The following KCNT2 variants were observed in gnomAD, a reference collection of about 807,000 sequenced individuals.
The protein encoded by KCNT2 is potassium channel subfamily T member 2.
In KCNT2, 67 loss-of-function variants were observed where a neutral mutation model predicts 153.8. The observed-to-expected ratio is 0.44, with a 90% confidence interval of 0.36 to 0.53. KCNT2 has a LOEUF of 0.53. Ranked by LOEUF, KCNT2 falls within the 20% of genes least tolerant of loss-of-function variation. KCNT2 has a pLI of 0.00. For synonymous variants in KCNT2, 500 were observed against 458.8 expected, an observed-to-expected ratio of 1.09 and a Z score of -1.15; for missense variants, 975 against 1,354.8, an observed-to-expected ratio of 0.72 and a Z score of 4.40.
At chr1:196,242,851 A>G (rs533051651) in intron 26 of KCNT2, among the ~76,000 whole-genome samples, 4 of 152,298 alleles carry the variant, frequency 2.6e-5, no homozygotes, top group South Asian at 4.1e-4. Context: ...AACTTCCTAT[A>G]TAACTTTAAA....
intron 14 of KCNT2, among the ~76,000 whole-genome samples, chr1:196,348,818 G>C (rs1666361402): frequency 6.6e-6 from 1 of 151,966 alleles, no homozygotes. Flanking sequence ...ATGATGTCGG[G>C]GGTTTGAGAC....
intron 12 of KCNT2, among the ~76,000 whole-genome samples, chr1:196,409,309 T>C (rs566752927): frequency 2.0e-5 from 3 of 151,616 alleles, no homozygotes; most frequent in Admixed American, 1.3e-4. Flanking sequence ...CATTTAATCA[T>C]ACAGGTTTTC....
At chr1:196,587,303 T>C (rs911580580) in intron 1 of KCNT2, among the ~76,000 whole-genome samples, 1 of 152,034 alleles carries the variant, frequency 6.6e-6, no homozygotes, top group African/African-American at 2.4e-5. Context: ...TATCTTCATT[T>C]TGCAGATGAG....
At chr1:196,381,846 G>T (rs567764685) in intron 13 of KCNT2, among the ~76,000 whole-genome samples, 8 of 152,202 alleles carry the variant, frequency 5.3e-5, no homozygotes, top group African/African-American at 1.9e-4. Context: ...TTGCCTTTGA[G>T]ATCAGTTTCA....
chr1:196,351,948 A>G (rs1666744098), intron 14 of KCNT2, among the ~76,000 whole-genome samples: 1 of 152,102 alleles, frequency 6.6e-6, no homozygotes, highest in South Asian at 2.1e-4. Context: ...CCTTTTTTGT[A>G]TCTATTGAGA....
intron 1 of KCNT2, among the ~76,000 whole-genome samples, chr1:196,526,978 C>T (rs946516016): frequency 2.6e-5 from 4 of 152,126 alleles, no homozygotes; most frequent in Non-Finnish European, 4.4e-5. Context: ...CCTCCTGCAG[C>T]GACATTAGTT....
intron 4 of KCNT2, among the ~76,000 whole-genome samples, chr1:196,481,061 A>T (rs367633379): frequency 2.6e-5 from 4 of 152,100 alleles, no homozygotes; most frequent in African/African-American, 9.7e-5. Context: ...CAATATTTTC[A>T]GTGTTATTTA....
At chr1:196,334,496 T>TTTTTTTTTTTTTTTTTTTTTTTA (rs1302327018) in intron 16 of KCNT2, among the ~76,000 whole-genome samples, 8 of 142,862 alleles carry the variant, frequency 5.6e-5, no homozygotes, top group African/African-American at 2.1e-4. Flanking sequence ...TCTTTTTTTT[T>TTTTTTTTTTTTTTTTTTTTTTTA]TTTAAGACAG....
intron 8 of KCNT2, among the ~76,000 whole-genome samples, chr1:196,433,989 GT>G (rs1380139575): frequency 6.6e-6 from 1 of 151,724 alleles, no homozygotes; most frequent in Non-Finnish European, 1.5e-5. Flanking sequence ...TTCACTTCAG[GT>G]CTCCAAAATG....
chr1:196,436,166 A>G (rs1674637021), intron 8 of KCNT2, among the ~76,000 whole-genome samples: 1 of 151,266 alleles, frequency 6.6e-6, no homozygotes, highest in East Asian at 1.9e-4. Context: ...ATTATAGAGT[A>G]CCTATATACA....
chr1:196,547,643 T>C (rs2148888673), intron 1 of KCNT2, among the ~76,000 whole-genome samples: 1 of 152,066 alleles, frequency 6.6e-6, no homozygotes, highest in South Asian at 2.1e-4. Flanking sequence ...CCTTTCACTG[T>C]CCATTCATCT....
At chr1:196,471,843 C>A (rs1341720244) in intron 5 of KCNT2, among the ~76,000 whole-genome samples, 1 of 152,158 alleles carries the variant, frequency 6.6e-6, no homozygotes, top group Non-Finnish European at 1.5e-5. Context: ...CCAGAAGAAT[C>A]TTTCTAAAAT....
At chr1:196,520,381 C>T (rs1345004840) in intron 1 of KCNT2, among the ~76,000 whole-genome samples, 1 of 151,786 alleles carries the variant, frequency 6.6e-6, no homozygotes, top group African/African-American at 2.4e-5. Context: ...AAGCATTATA[C>T]TTGAAAATTG....
At chr1:196,251,589 G>A (rs113558958) in intron 26 of KCNT2, among the ~76,000 whole-genome samples, 4,154 of 152,004 alleles carry the variant, frequency 0.027, 192 homozygotes, top group African/African-American at 0.095. Flanking sequence ...GTAAAATGAT[G>A]GTTACCAGAG....
At chr1:196,360,470 G>C (rs1276107112) in intron 14 of KCNT2, among the ~76,000 whole-genome samples, 1 of 152,066 alleles carries the variant, frequency 6.6e-6, no homozygotes, top group African/African-American at 2.4e-5. Flanking sequence ...CCCACCTCCA[G>C]GGTGTTCCTC....
Position 196,284,248 on chromosome 1 carries a change from A to AAATATATAT in KCNT2, c.2697+1408_2697+1409insATATATATT. On this transcript the variant is annotated intron_variant, in intron 23 of 27. Coordinates refer to ENST00000294725, the MANE Select transcript of KCNT2 (RefSeq NM_198503.5). ...TCTGTCTTAAAAAAAAAAAAAAAAAAATATATATATATATATATATATATA... is the reference window on the plus strand; with the variant it reads ...TCTGTCTTAAAAAAAAAAAAAAAAAAAATATATATATATATATATATATATATATATATA... 1.4e-3 allele frequency among the ~76,000 whole-genome samples: 14 copies of AAATATATAT among 10,046 alleles called. 1 individual carries two copies. Among genetic ancestry groups the AAATATATAT allele is most frequent in the Non-Finnish European group, 4.8e-3 (9 of 1,878 alleles). 6.6% of individuals were successfully genotyped at this position (10,046 alleles called of 152,430 possible).
At chr1:196,541,769 ATAAT>A (rs1656403956) in intron 1 of KCNT2, among the ~76,000 whole-genome samples, 1 of 152,104 alleles carries the variant, frequency 6.6e-6, no homozygotes, top group South Asian at 2.1e-4. Context: ...TTATCTGATA[ATAAT>A]TCTATACTAT....
At chr1:196,493,866 CTTTG>C (rs142877907) in intron 1 of KCNT2, among the ~76,000 whole-genome samples, 8,775 of 152,128 alleles carry the variant, frequency 0.058, 388 homozygotes, top group Non-Finnish European at 0.085. Context: ...TTCTGACTTA[CTTTG>C]TTTTTTCTTC....
intron 1 of KCNT2, among the ~76,000 whole-genome samples, chr1:196,552,510 GA>G (rs1197764502): frequency 6.6e-6 from 1 of 151,362 alleles, no homozygotes; most frequent in Non-Finnish European, 1.5e-5. Flanking sequence ...TCTCCTACAA[GA>G]AATGCTAAAG....
Sources: allele counts gnomAD v4.1 joint callset (sites outside exome capture counted in the v4.1 genomes callset), GRCh38; gene constraint gnomAD v4.1.1; transcripts MANE v1.5; gene names NCBI Gene and HGNC (gene_info 2026-07-23, HGNC 2026-07-21).